Variants in PARD3B observed in about 807,000 individuals in gnomAD.
The protein encoded by PARD3B is partitioning defective 3 homolog B.
A neutral mutation model predicts 130.2 loss-of-function variants in PARD3B; 103 were observed. The ratio of observed to expected loss-of-function variants is 0.79; its 90% CI spans 0.67 to 0.93. The LOEUF is 0.93. Among genes scored for constraint, PARD3B ranks in the 40% least tolerant of loss-of-function variants. PARD3B has a pLI of 0.00. For synonymous variants in PARD3B, 583 were observed against 553.2 expected (o/e 1.05, Z -0.76); for missense variants, 1,609 against 1,499.2 (o/e 1.07, Z -1.21).
intron 1 of PARD3B, among the ~76,000 whole-genome samples, chr2:204,653,088 C>G (rs1393776686): frequency 1.3e-5 from 2 of 150,858 alleles, no homozygotes; most frequent in African/African-American, 2.5e-5. Flanking sequence ...ACAAAAAACT[C>G]ATGGACACAA....
intron 18 of PARD3B, among the ~76,000 whole-genome samples, chr2:205,379,068 G>GA (rs1444837788): frequency 6.6e-6 from 1 of 152,006 alleles, no homozygotes; most frequent in Admixed American, 6.6e-5. Flanking sequence ...AAAACTCTGA[G>GA]AAAAAATATA....
intron 16 of PARD3B, among the ~76,000 whole-genome samples, chr2:205,260,408 A>G (rs2040257423): frequency 6.6e-6 from 1 of 152,094 alleles, no homozygotes; most frequent in African/African-American, 2.4e-5. Context: ...CTCCAGACCT[A>G]TCTTCTAGCT....
intron 10 of PARD3B, among the ~76,000 whole-genome samples, chr2:205,137,846 C>G (rs1355264947): frequency 6.6e-6 from 1 of 152,188 alleles, no homozygotes; most frequent in Non-Finnish European, 1.5e-5. Flanking sequence ...ACAACAAAAG[C>G]AGAAGATGTA....
rs1574636987 is a variant in PARD3B, at chr2:205,300,687, T to C, written c.2343T>C (p.Phe781=). ...GAGGCCGAGGCTGCAATGAGAGCTT[T>C]AGAGCAGCCATTGACAAATCCTACG... ...MVRGRGCNES[F]RAAIDKSYDG... Residue 781 remains phenylalanine (F), a synonymous_variant, in exon 17 of 23, where the codon TTT becomes TTC. Coordinates refer to ENST00000406610, the MANE Select transcript of PARD3B (RefSeq NM_001302769.2). The surrounding 1 kb of genome is among the most constrained non-coding windows in gnomAD (Gnocchi z 4.1). 6.2e-7 allele frequency: 1 copy of C among 1,613,982 alleles called. No homozygotes were observed. Among genetic ancestry groups the C allele is most frequent in the South Asian group, 1.1e-5 (1 of 91,072 alleles).
At chr2:205,515,488 A>C (rs2050758758) in intron 21 of PARD3B, among the ~76,000 whole-genome samples, 1 of 152,100 alleles carries the variant, frequency 6.6e-6, no homozygotes. Context: ...CCTTTTCTCC[A>C]CAACTTTGCC....
At position 205,359,212 on chromosome 2, in the gene PARD3B, T is replaced by C. The variant is rs573971837; in HGVS notation, c.2631-41801T>C. Among the ~76,000 whole-genome samples, 114 of 152,322 alleles carry C rather than the reference T, an allele frequency of 7.5e-4. 1 individual carries two copies. Among genetic ancestry groups the C allele is most frequent in the African/African-American group, 2.6e-3 (107 of 41,576 alleles). ...GTAATAGCTCCTCTCATTAGTCTCTTCAACTTTCGAAAGATTAAATTGTCA... is the reference window on the plus strand; with the variant it reads ...GTAATAGCTCCTCTCATTAGTCTCTCCAACTTTCGAAAGATTAAATTGTCA... On this transcript the variant is annotated intron_variant, in intron 18 of 22. Coordinates refer to ENST00000406610, the MANE Select transcript of PARD3B (RefSeq NM_001302769.2).
At chr2:205,401,586 A>C (rs937457848) in intron 19 of PARD3B, among the ~76,000 whole-genome samples, 3 of 152,156 alleles carry the variant, frequency 2.0e-5, no homozygotes, top group African/African-American at 7.2e-5. Context: ...GTCTTTTATT[A>C]GGCTATCAGC....
At position 204,675,080 on chromosome 2, in the gene PARD3B, C is replaced by T. The variant is rs1426601077; in HGVS notation, c.121-11101C>T. 2.0e-5 allele frequency among the ~76,000 whole-genome samples: 3 copies of T among 152,076 alleles called. No individual in the cohort carries two copies. The highest frequency in any genetic ancestry group is 2.9e-5 in the Non-Finnish European group (2 of 68,000). On this transcript the variant is annotated intron_variant, in intron 1 of 22. Transcript: ENST00000406610. The surrounding 1 kb of genome is among the most constrained non-coding windows in gnomAD (Gnocchi z 4.4). ...AGGCTTTGAATTCCTCTGGACCACA[C>T]AAGTTTCTAAAACCTTGGCATCCAG... is the stretch of plus-strand genomic sequence containing the variant.
At chr2:204,601,529 G>A (rs2033513024) in intron 1 of PARD3B, among the ~76,000 whole-genome samples, 1 of 151,944 alleles carries the variant, frequency 6.6e-6, no homozygotes, top group Admixed American at 6.6e-5. Context: ...ATTTTTATAT[G>A]CAAATGATAT....
intron 16 of PARD3B, among the ~76,000 whole-genome samples, chr2:205,251,639 T>C (rs191592615): frequency 6.6e-6 from 1 of 152,324 alleles, no homozygotes; most frequent in East Asian, 1.9e-4. Flanking sequence ...AATATTAAAA[T>C]TTGAATGTGC....
chr2:205,318,195 T>C (rs910563568), intron 18 of PARD3B, among the ~76,000 whole-genome samples: 7 of 152,192 alleles, frequency 4.6e-5, no homozygotes, highest in African/African-American at 1.4e-4. Context: ...ATTTGAACTC[T>C]AGTCAATGTA....
At chr2:204,561,904 C>T (rs1263641530) in intron 1 of PARD3B, among the ~76,000 whole-genome samples, 1 of 152,070 alleles carries the variant, frequency 6.6e-6, no homozygotes, top group Non-Finnish European at 1.5e-5. Flanking sequence ...GCCATCTCCC[C>T]TGTATTAAGG....
chr2:204,970,125 G>C (rs552182918), intron 3 of PARD3B, among the ~76,000 whole-genome samples: 2 of 152,078 alleles, frequency 1.3e-5, no homozygotes, highest in Non-Finnish European at 2.9e-5. Flanking sequence ...GAGTCTCCCG[G>C]TCCTTCCCCT....
At chr2:205,060,705 T>G (rs1364459478) in intron 4 of PARD3B, among the ~76,000 whole-genome samples, 1 of 152,152 alleles carries the variant, frequency 6.6e-6, no homozygotes, top group African/African-American at 2.4e-5. Flanking sequence ...ATTAAAGGTC[T>G]TTTATAATTA....
rs1013388067 is a variant in PARD3B, at chr2:205,564,633, C to G, written c.3260+11230C>G. On this transcript the variant is annotated intron_variant, in intron 22 of 22. Transcript: ENST00000406610. The surrounding 1 kb of genome is among the most constrained non-coding windows in gnomAD (Gnocchi z 4.6). ...GACAACTGCGGAAGCATCGCTTCTA[C>G]TGACTCTGCTGCTTCAAGTCCAGAG... is the stretch of plus-strand genomic sequence containing the variant. Among the ~76,000 whole-genome samples, 1 of 152,204 alleles carries G rather than the reference C, an allele frequency of 6.6e-6. No individual in the cohort carries two copies. Among genetic ancestry groups the G allele is most frequent in the Non-Finnish European group, 1.5e-5 (1 of 68,032 alleles).
In PARD3B at chr2:205,575,113, A is replaced by ACACACG. The variant is rs141496657; in HGVS notation, c.3260+21711_3260+21712insACACGC. Among the ~76,000 whole-genome samples the ACACACG allele has an allele frequency of 0.077, 9,719 of 126,210 alleles. 463 individuals carry two copies. The highest frequency in any genetic ancestry group is 0.12 in the Non-Finnish European group (6,595 of 56,288). 82.8% of individuals were successfully genotyped at this position (126,210 alleles called of 152,430 possible). ...CACACACACACACACACACACACAC[A>ACACACG]CGCGTACACTATATATAAAAATATA... is the stretch of plus-strand genomic sequence containing the variant. On this transcript the variant is annotated intron_variant, in intron 22 of 22. Coordinates refer to ENST00000406610, the MANE Select transcript of PARD3B (RefSeq NM_001302769.2). This position sits in a 1 kb window ranked among gnomAD's most constrained non-coding sequence, Gnocchi z 4.6.
chr2:205,099,900 T>C (rs1419585822), intron 4 of PARD3B, among the ~76,000 whole-genome samples: 1 of 152,186 alleles, frequency 6.6e-6, no homozygotes, highest in Non-Finnish European at 1.5e-5. Context: ...TTAATAATAA[T>C]AGGAGATATA....
chr2:204,676,622 G>A (rs1396654934), intron 1 of PARD3B, among the ~76,000 whole-genome samples: 1 of 150,446 alleles, frequency 6.6e-6, no homozygotes, highest in Non-Finnish European at 1.5e-5. Context: ...GAAAGATGTA[G>A]AGAGCTCATG....
intron 3 of PARD3B, among the ~76,000 whole-genome samples, chr2:205,046,633 TAAGCTGGA>T (rs1698805657): frequency 6.6e-6 from 1 of 152,204 alleles, no homozygotes; most frequent in African/African-American, 2.4e-5. Context: ...AATGTTCCTT[TAAGCTGGA>T]ATCGCTTCAG....
Sources: allele counts gnomAD v4.1 joint callset (sites outside exome capture counted in the v4.1 genomes callset), GRCh38; gene constraint gnomAD v4.1.1; non-coding constraint Gnocchi (gnomAD v3.1); transcripts MANE v1.5; gene names NCBI Gene and HGNC (gene_info 2026-07-23, HGNC 2026-07-21).